WRN: variants seen among roughly 807,000 people sequenced by gnomAD.
The protein encoded by WRN is WRN RecQ like helicase.
A neutral mutation model predicts 180.7 loss-of-function variants in WRN; 149 were observed. The ratio of observed to expected loss-of-function variants is 0.82; its 90% CI spans 0.72 to 0.94. The LOEUF is 0.94. Ranked by LOEUF, WRN falls within the 40% of genes least tolerant of loss-of-function variation. The pLI, the probability that WRN is intolerant of heterozygous loss-of-function variation, is 0.00. For missense variants in WRN, 1,661 were observed against 1,700.1 expected (o/e 0.98, Z 0.40); for synonymous variants, 548 against 568.9 (o/e 0.96, Z 0.52).
rs1269806793 is a variant in WRN, at chr8:31,067,251, A to C, written c.654+69A>C. On this transcript the variant is annotated intron_variant, in intron 6 of 34. Coordinates refer to ENST00000298139, the MANE Select transcript of WRN (RefSeq NM_000553.6). Reference sequence around the variant, plus strand: ...ACATTATTATAAATGACTTTAGAAAAATTTTATTATAGTAGTGGCAGAAAC... The same window carrying C: ...ACATTATTATAAATGACTTTAGAAACATTTTATTATAGTAGTGGCAGAAAC... The C allele has an allele frequency of 1.9e-6, 3 of 1,562,628 alleles. No individual in the cohort carries two copies. In the African/African-American group the frequency reaches 4.1e-5, roughly 21 times the overall value.
Position 31,140,003 on chromosome 8 carries a change from G to GTTTTTTTTTTTTTTTTTTTT in WRN, c.2968-1416_2968-1397dup, listed in dbSNP as rs71539917. ...AAGCTCTATGTTTGTATACTTCTTT[G>GTTTTTTTTTTTTTTTTTTTT]TTTTTTTTTTTTTTTTTTTTTTTTT... On this transcript the variant is annotated intron_variant, in intron 24 of 34. Coordinates refer to ENST00000298139, the MANE Select transcript of WRN (RefSeq NM_000553.6). 1.3e-4 allele frequency among the ~76,000 whole-genome samples: 8 copies of GTTTTTTTTTTTTTTTTTTTT among 62,086 alleles called. 1 individual carries two copies. The highest frequency in any genetic ancestry group is 8.1e-4 in the South Asian group (1 of 1,240). 40.7% of individuals were successfully genotyped at this position (62,086 alleles called of 152,430 possible). A position where few individuals can be genotyped will look rare whatever the true frequency, so the allele number is the denominator to read the frequency against.
In WRN at chr8:31,175,760, A is replaced by G. The variant is rs1054848025; in HGVS notation, c.*2658A>G. 1.3e-5 allele frequency among the ~76,000 whole-genome samples: 2 copies of G among 152,250 alleles called. No homozygotes were observed. The highest frequency in any genetic ancestry group is 6.5e-5 in the Admixed American group (1 of 15,282). On this transcript the variant is annotated 3_prime_UTR_variant, in exon 35 of 35. Coordinates refer to ENST00000298139, the MANE Select transcript of WRN (RefSeq NM_000553.6). The stretch of plus-strand genomic sequence containing the variant: ...ATTGAATGCAGAAGTAGATCTGAGA[A>G]TACAGCCACTTTTGTTAAGCCAGAC...
chr8:31,168,377 AT>A (rs1310926698), intron 34 of WRN, among the ~76,000 whole-genome samples: 1 of 151,948 alleles, frequency 6.6e-6, no homozygotes, highest in South Asian at 2.1e-4. Flanking sequence ...GTAACTTACT[AT>A]TTTTTCTCAA....
intron 16 of WRN, among the ~76,000 whole-genome samples, chr8:31,094,379 TC>T (rs1358417635): frequency 6.6e-6 from 1 of 150,838 alleles, no homozygotes; most frequent in Non-Finnish European, 1.5e-5. Flanking sequence ...AGGGTCTCCC[TC>T]TGTCTCCCGG....
chr8:31,145,797 CAATATT>C (rs1802835986), intron 28 of WRN, among the ~76,000 whole-genome samples: 1 of 151,810 alleles, frequency 6.6e-6, no homozygotes, highest in South Asian at 2.1e-4. Context: ...GTCAGAATAT[CAATATT>C]AATAGGAATT....
intron 18 of WRN, among the ~76,000 whole-genome samples, chr8:31,110,109 G>C (rs1251610758): frequency 9.5e-5 from 1 of 10,492 alleles, no homozygotes; most frequent in Non-Finnish European, 2.9e-4. Context: ...ACCGGTGAAA[G>C]TGCTTTACTG....
intron 8 of WRN, 102 bp from the exon 9 acceptor site, chr8:31,080,764 GA>G (rs1813269299): frequency 1.1e-6 from 1 of 940,764 alleles, no homozygotes; most frequent in South Asian, 1.7e-5. Flanking sequence ...TCTTTTAAGT[GA>G]AGGTCAGCTT....
intron 4 of WRN, 151 bp downstream of exon 4, chr8:31,064,585 C>T (rs180951501): frequency 1.9e-5 from 23 of 1,199,712 alleles, no homozygotes; most frequent in Non-Finnish European, 2.6e-5. Context: ...CACTCACATT[C>T]CTTGTTTTAT....
In WRN at chr8:31,173,670, CA is replaced by C. The variant is rs1412618029; in HGVS notation, c.*570del. The stretch of plus-strand genomic sequence containing the variant: ...CATGTAAAAAATGTAAAATGGAGAC[CA>C]ATTGCACTAGGCAAGTGTATATTTT... On this transcript the variant is annotated 3_prime_UTR_variant, in exon 35 of 35. Coordinates refer to ENST00000298139, the MANE Select transcript of WRN (RefSeq NM_000553.6). 6.0e-6 allele frequency: 1 copy of C among 167,318 alleles called. No homozygotes were observed. The highest frequency in any genetic ancestry group is 2.4e-5 in the African/African-American group (1 of 41,912). 10.4% of individuals were successfully genotyped at this position (167,318 alleles called of 1,614,324 possible).
At chr8:31,058,660 T>C in intron 2 of WRN, 117 bp downstream of exon 2, 4 of 1,016,602 alleles carry the variant, frequency 3.9e-6, no homozygotes, top group Non-Finnish European at 6.0e-6. Flanking sequence ...GTTGCTGTTG[T>C]CTAAATGCAC....
chr8:31,116,761 GGT>G (rs1272919462), intron 20 of WRN, among the ~76,000 whole-genome samples: 1 of 152,218 alleles, frequency 6.6e-6, no homozygotes, highest in Non-Finnish European at 1.5e-5. Flanking sequence ...GTGTAATGGG[GGT>G]GGTCCATCCA....
chr8:31,095,730 G>C (rs1585447548), intron 16 of WRN, among the ~76,000 whole-genome samples: 1 of 152,162 alleles, frequency 6.6e-6, no homozygotes, highest in Admixed American at 6.6e-5. Flanking sequence ...TCTATTCTGT[G>C]TTCTGTGGAT....
intron 21 of WRN, among the ~76,000 whole-genome samples, chr8:31,121,794 T>G (rs752972500): frequency 4.6e-5 from 7 of 152,008 alleles, no homozygotes; most frequent in Non-Finnish European, 1.0e-4. Context: ...TAGCTTTTCC[T>G]TCTTAACATA....
chr8:31,059,070 G>A (rs1812383517), intron 2 of WRN, 83 bp from the exon 3 acceptor site: 1 of 991,880 alleles, frequency 1.0e-6, no homozygotes, highest in African/African-American at 1.6e-5. Context: ...TAAATTGAAT[G>A]CTTCAGTGAA....
chr8:31,038,260 C>T (rs1811521608), intron 1 of WRN, among the ~76,000 whole-genome samples: 1 of 152,126 alleles, frequency 6.6e-6, no homozygotes, highest in South Asian at 2.1e-4. Flanking sequence ...AAAATTATAG[C>T]TATCCTAGTA....
chr8:31,140,955 C>T (rs1361110995), intron 24 of WRN, among the ~76,000 whole-genome samples: 2 of 152,080 alleles, frequency 1.3e-5, no homozygotes, highest in Non-Finnish European at 2.9e-5. Flanking sequence ...CGGGGTTTCA[C>T]CATGTTAGCC....
chr8:31,137,118 T>C (rs1802431138), intron 24 of WRN, among the ~76,000 whole-genome samples: 1 of 151,878 alleles, frequency 6.6e-6, no homozygotes, highest in African/African-American at 2.4e-5. Flanking sequence ...AAAGGGAATA[T>C]GATTCCTTTA....
At chr8:31,054,402 TG>T (rs61419540) in intron 1 of WRN, among the ~76,000 whole-genome samples, 7,056 of 152,302 alleles carry the variant, frequency 0.046, 200 homozygotes, top group South Asian at 0.082. Context: ...AATTTTTTTT[TG>T]GTAAGAGATG....
At chr8:31,120,767 C>T (rs1801695001) in intron 21 of WRN, among the ~76,000 whole-genome samples, 1 of 151,944 alleles carries the variant, frequency 6.6e-6, no homozygotes, top group Admixed American at 6.6e-5. Flanking sequence ...CTCCTCAGAT[C>T]CTGTCAAGTT....
Sources: gnomAD v4.1 joint callset for allele counts (sites outside exome capture counted in the v4.1 genomes callset) on GRCh38, gnomAD v4.1.1 for gene constraint, MANE v1.5 for transcripts, NCBI Gene and HGNC (gene_info 2026-07-23, HGNC 2026-07-21) for gene names.